RAB3C: variants seen among roughly 807,000 people sequenced by gnomAD.
RAB3C encodes the protein ras-related protein Rab-3C.
In RAB3C, 17 loss-of-function variants were observed where a neutral mutation model predicts 26.4. That is an observed-to-expected ratio of 0.64 (90% CI 0.44 to 0.97). The LOEUF is 0.97. Ranked by LOEUF, RAB3C falls within the 50% of genes least tolerant of loss-of-function variation. RAB3C has a pLI of 0.00. For synonymous variants in RAB3C, 91 were observed against 95.9 expected, an observed-to-expected ratio of 0.95 and a Z score of 0.30; for missense variants, 242 against 281.9, an observed-to-expected ratio of 0.86 and a Z score of 1.01.
intron 2 of RAB3C, among the ~76,000 whole-genome samples, chr5:58,686,664 A>T (rs1748449764): frequency 1.3e-5 from 2 of 150,280 alleles, no homozygotes; most frequent in South Asian, 4.2e-4. Context: ...TCTCTCACAC[A>T]CAAACACACA....
At chr5:58,684,026 C>A (rs1748397492) in intron 2 of RAB3C, among the ~76,000 whole-genome samples, 1 of 152,044 alleles carries the variant, frequency 6.6e-6, no homozygotes, top group Non-Finnish European at 1.5e-5. Flanking sequence ...GTACAGCCAG[C>A]CCTCCATATT....
intron 2 of RAB3C, among the ~76,000 whole-genome samples, chr5:58,625,083 A>G (rs768988963): frequency 7.9e-5 from 12 of 152,214 alleles, no homozygotes; most frequent in Admixed American, 3.9e-4. Context: ...ATAGACAAGA[A>G]GTGGCTAGCA....
At chr5:58,726,254 A>G (rs1400528522) in intron 3 of RAB3C, 134 bp downstream of exon 3, 7 of 497,886 alleles carry the variant, frequency 1.4e-5, no homozygotes, top group Non-Finnish European at 2.2e-5. Context: ...CTTGTGCTTC[A>G]TTTAAAAAAA....
intron 1 of RAB3C, chr5:58,617,410 T>C (rs966256285): frequency 1.4e-6 from 1 of 719,716 alleles, no homozygotes; most frequent in Non-Finnish European, 2.5e-6. Flanking sequence ...AGCAGTGACA[T>C]GCACCAACAC....
chr5:58,817,837 G>A (rs1475102277), intron 3 of RAB3C, among the ~76,000 whole-genome samples: 1 of 152,032 alleles, frequency 6.6e-6, no homozygotes, highest in Non-Finnish European at 1.5e-5. Flanking sequence ...ATAACAAAAG[G>A]GCCAATTATA....
intron 2 of RAB3C, among the ~76,000 whole-genome samples, chr5:58,619,364 T>C (rs562803664): frequency 3.8e-4 from 58 of 152,168 alleles, no homozygotes; most frequent in Admixed American, 6.6e-4. Context: ...AAAAGCTTTG[T>C]CCATTGCTTC....
In RAB3C at chr5:58,628,190, G is replaced by A. The variant is rs867423436; in HGVS notation, c.252+10320G>A. On this transcript the variant is annotated intron_variant, in intron 2 of 4. Transcript: ENST00000282878. ...AAAAAAAAAAAAAACAGTTTACAAAGCATCGTGTGAGAAACAATAGAGAAA... is the reference window on the plus strand; with the variant it reads ...AAAAAAAAAAAAAACAGTTTACAAAACATCGTGTGAGAAACAATAGAGAAA... Among the ~76,000 whole-genome samples, 43 of 141,002 alleles carry A rather than the reference G, an allele frequency of 3.0e-4. 1 individual carries two copies. Among genetic ancestry groups the A allele is most frequent in the South Asian group, 2.2e-3 (10 of 4,460 alleles). The allele number at this position is 141,002 out of a possible 152,430, so 92.5% of individuals were successfully genotyped here.
intron 3 of RAB3C, among the ~76,000 whole-genome samples, chr5:58,735,244 G>A (rs996659581): frequency 6.6e-6 from 1 of 152,206 alleles, no homozygotes; most frequent in Admixed American, 6.5e-5. Context: ...CTTGTTTACA[G>A]TGTGAGCAGG....
At chr5:58,684,685 C>T (rs956406728) in intron 2 of RAB3C, among the ~76,000 whole-genome samples, 1 of 152,148 alleles carries the variant, frequency 6.6e-6, no homozygotes, top group African/African-American at 2.4e-5. Flanking sequence ...AATGAAAGGG[C>T]AATGTCTGCA....
chr5:58,815,415 C>G (rs774616211), intron 3 of RAB3C, among the ~76,000 whole-genome samples: 20 of 152,228 alleles, frequency 1.3e-4, no homozygotes, highest in Admixed American at 3.9e-4. Context: ...ATATCCTCAT[C>G]CTATCTGTCT....
chr5:58,778,077 T>C (rs1742189164), intron 3 of RAB3C, among the ~76,000 whole-genome samples: 2 of 152,138 alleles, frequency 1.3e-5, no homozygotes, highest in African/African-American at 4.8e-5. Context: ...ATAATGGAAA[T>C]TAGAACACTA....
chr5:58,795,223 G>A (rs915428165), intron 3 of RAB3C, among the ~76,000 whole-genome samples: 1 of 152,014 alleles, frequency 6.6e-6, no homozygotes, highest in Non-Finnish European at 1.5e-5. Context: ...ATGATTGTGG[G>A]GCCTCCCCAG....
intron 2 of RAB3C, among the ~76,000 whole-genome samples, chr5:58,621,636 T>C (rs377695): frequency 0.25 from 37,822 of 152,078 alleles, 4,956 homozygotes; most frequent in Admixed American, 0.31. Context: ...AGTGCAGTGG[T>C]GCAATCTTGG....
chr5:58,795,007 C>T (rs1046682911), intron 3 of RAB3C, among the ~76,000 whole-genome samples: 2 of 152,182 alleles, frequency 1.3e-5, no homozygotes, highest in Admixed American at 6.5e-5. Context: ...CATCTTGAAT[C>T]GTAGTTCCCA....
In RAB3C at chr5:58,647,674, G is replaced by A. The variant is rs190109399; in HGVS notation, c.252+29804G>A. On this transcript the variant is annotated intron_variant, in intron 2 of 4. Coordinates refer to ENST00000282878, the MANE Select transcript of RAB3C (RefSeq NM_138453.4). ...TCCGTGCCTTCAGGCAGCCTCACAA[G>A]AATATCTGAGAACAGACAGTATTGC... The A allele has an allele frequency of 3.2e-4, 48 of 152,320 alleles. No individual in the cohort carries two copies. The East Asian group carries it at 8.9e-3, about 28-fold the overall frequency. 9.4% of individuals were successfully genotyped at this position (152,320 alleles called of 1,614,324 possible).
intron 3 of RAB3C, among the ~76,000 whole-genome samples, chr5:58,776,655 G>A (rs1039088354): frequency 4.6e-5 from 7 of 151,960 alleles, no homozygotes; most frequent in Admixed American, 2.6e-4. Flanking sequence ...AGTAACCCGC[G>A]CTGCTTAAAC....
chr5:58,840,152 CTTTA>C (rs1743846973), intron 4 of RAB3C, among the ~76,000 whole-genome samples: 1 of 151,690 alleles, frequency 6.6e-6, no homozygotes, highest in Non-Finnish European at 1.5e-5. Flanking sequence ...GTCCTGTAGG[CTTTA>C]TTTATTTATC....
At chr5:58,768,170 G>T (rs1741949190) in intron 3 of RAB3C, among the ~76,000 whole-genome samples, 1 of 152,132 alleles carries the variant, frequency 6.6e-6, no homozygotes, top group Non-Finnish European at 1.5e-5. Flanking sequence ...ACTTTGAAAT[G>T]CCTACAGGAT....
At chr5:58,689,999 A>T (rs538833536) in intron 2 of RAB3C, among the ~76,000 whole-genome samples, 31 of 152,048 alleles carry the variant, frequency 2.0e-4, no homozygotes, top group Non-Finnish European at 4.1e-4. Flanking sequence ...ATTCCTCTAA[A>T]CTACTTTACA....
Sources: allele counts gnomAD v4.1 joint callset (sites outside exome capture counted in the v4.1 genomes callset), GRCh38; gene constraint gnomAD v4.1.1; transcripts MANE v1.5; gene names NCBI Gene and HGNC (gene_info 2026-07-23, HGNC 2026-07-21).